DMXL2: variants seen among roughly 807,000 people sequenced by gnomAD.
The protein encoded by DMXL2 is dmX-like protein 2.
Under a neutral mutation model 331.1 loss-of-function variants are expected in DMXL2, and 103 were observed. The ratio of observed to expected loss-of-function variants is 0.31; its 90% CI spans 0.27 to 0.37. DMXL2 has a LOEUF of 0.37. Among genes scored for constraint, DMXL2 ranks in the 10% least tolerant of loss-of-function variants. The probability of loss-of-function intolerance (pLI) is 1.00; values close to 1 mark genes in which losing one functional copy is unlikely to be tolerated. For missense variants in DMXL2, 3,171 were observed against 3,642.9 expected, an observed-to-expected ratio of 0.87 and a Z score of 3.33; for synonymous variants, 1,281 against 1,252.1, an observed-to-expected ratio of 1.02 and a Z score of -0.49.
rs1460099735 is a variant in DMXL2 at position 51,455,202 on chromosome 15, A to G, written c.8553T>C (p.Phe2851=). The G allele has an allele frequency of 6.2e-7, 1 of 1,614,158 alleles. No individual in the cohort carries two copies. Among genetic ancestry groups the G allele is most frequent in the Non-Finnish European group, 8.5e-7 (1 of 1,179,992 alleles). The change falls in exon 40 of 44, where the codon TTT becomes TTC. Residue 2851 remains phenylalanine, a synonymous_variant. Transcript: ENST00000560891. ...TTTGGTTAACTTGCCAGATACTCAG[A>G]AAACCCTCTCCATCCGCAACACCAC... ...NKCGVADGEG[F]LSIWQVNQTA...
At chr15:51,470,132 C>T (rs1016731669) in intron 29 of DMXL2, among the ~76,000 whole-genome samples, 16 of 152,246 alleles carry the variant, frequency 1.1e-4, no homozygotes, top group African/African-American at 3.6e-4. Flanking sequence ...GAACCACTGA[C>T]GTAACCAAAG....
Position 51,569,168 on chromosome 15 carries a change from C to T in DMXL2, c.214-610G>A, listed in dbSNP as rs994499413. On this transcript the variant is annotated intron_variant, in intron 2 of 43. Coordinates refer to ENST00000560891, the MANE Select transcript of DMXL2 (RefSeq NM_001378457.1). ...TTCAGCGGGTCCCACCCCCACGGAG[C>T]CCAGCAAGCTAAGATCCACTGGCTT... Among the ~76,000 whole-genome samples, 46 of 152,192 alleles carry T rather than the reference C, an allele frequency of 3.0e-4. 1 individual carries two copies. The highest frequency in any genetic ancestry group is 3.0e-3 in the Admixed American group (46 of 15,284).
intron 40 of DMXL2, 41 bp from the exon 41 acceptor site, chr15:51,453,682 G>GATAAAATTTGATACAGTACCAACAT (rs2039359199): frequency 6.7e-7 from 1 of 1,490,742 alleles, no homozygotes. Context: ...TTTACCATTG[G>GATAAAATTTGATACAGTACCAACAT]ATAAAATTTG....
intron 27 of DMXL2, 26 bp downstream of exon 27, chr15:51,476,563 T>G: frequency 1.3e-6 from 2 of 1,591,842 alleles, no homozygotes. Flanking sequence ...AGAAGATTTT[T>G]TTTTTTTAAT....
At chr15:51,526,110 AAG>A (rs1166982259) in intron 13 of DMXL2, among the ~76,000 whole-genome samples, 1 of 135,082 alleles carries the variant, frequency 7.4e-6, no homozygotes. Flanking sequence ...GAGAGAGAGA[AAG>A]AGAGAGGGAG....
chr15:51,575,371 C>T (rs144226138), intron 2 of DMXL2, among the ~76,000 whole-genome samples: 5 of 152,054 alleles, frequency 3.3e-5, no homozygotes, highest in African/African-American at 1.2e-4. Context: ...AGGTAAAAAC[C>T]TTATTACTCT....
At chr15:51,492,785 C>A (rs969707521) in intron 19 of DMXL2, among the ~76,000 whole-genome samples, 1 of 152,256 alleles carries the variant, frequency 6.6e-6, no homozygotes, top group African/African-American at 2.4e-5. Context: ...ATTTTAGAAA[C>A]AAAGAAATGT....
intron 6 of DMXL2, among the ~76,000 whole-genome samples, chr15:51,560,504 CAAAAAAAAAAAAA>C (rs66990182): frequency 1.2e-4 from 5 of 41,522 alleles, no homozygotes; most frequent in African/African-American, 2.2e-4. Flanking sequence ...TTATTTCTAC[CAAAAAAAAAAAAA>C]AAAAAAAAAA....
At chr15:51,535,864 T>C (rs1406901560) in intron 12 of DMXL2, 80 bp from the exon 13 acceptor site, 26 of 1,457,016 alleles carry the variant, frequency 1.8e-5, no homozygotes, top group Non-Finnish European at 2.0e-5. Context: ...GAAACAAGTA[T>C]TCACATTTTT....
Position 51,595,492 on chromosome 15 carries a change from C to T in DMXL2, c.88-19311G>A, listed in dbSNP as rs190047168. On this transcript the variant is annotated intron_variant, in intron 1 of 43. Transcript: ENST00000560891. ...AATCAATATCGTGAAAATGGCCATA[C>T]TGCCCAAGGTAATTTATAGATTCAA... 2.6e-3 allele frequency among the ~76,000 whole-genome samples: 401 copies of T among 152,304 alleles called. 18 individuals are homozygous for T. In the East Asian group the frequency reaches 0.062, roughly 24 times the overall value.
rs569836305 is a variant in DMXL2, at chr15:51,519,292, T to A, written c.2437-2125A>T. 3.9e-5 allele frequency among the ~76,000 whole-genome samples: 6 copies of A among 152,172 alleles called. No individual in the cohort carries two copies. In the East Asian group the frequency reaches 1.2e-3, roughly 29 times the overall value. On this transcript the variant is annotated intron_variant, in intron 13 of 43. Transcript: ENST00000560891. ...CAACCATGCCTGACAAATTTTTTAA[T>A]TTTTTTGTAGAGACAGGGTCTCACT...
intron 1 of DMXL2, among the ~76,000 whole-genome samples, chr15:51,590,553 C>G (rs1260059877): frequency 2.6e-5 from 4 of 151,638 alleles, no homozygotes. Context: ...TCTGCCTTGA[C>G]TAGTTCCATT....
In DMXL2 at chr15:51,499,018, A is replaced by G; in HGVS notation, c.4206T>C (p.Ser1402=). ...KRHLSRTISV[S]GSTAKETVTV... ...TGACTGTTTCCTTTGCTGTACTGCC[A>G]CTTACACTAATAGTTCGAGAGAGAT... Residue 1402 remains serine (S), a synonymous_variant, in exon 18 of 44, where the codon AGT becomes AGC. Transcript: ENST00000560891. 6.2e-7 allele frequency: 1 copy of G among 1,613,972 alleles called. No homozygotes were observed. The highest frequency in any genetic ancestry group is 8.5e-7 in the Non-Finnish European group (1 of 1,180,008).
intron 1 of DMXL2, among the ~76,000 whole-genome samples, chr15:51,577,174 A>G (rs766094922): frequency 3.3e-5 from 5 of 152,196 alleles, no homozygotes; most frequent in Non-Finnish European, 7.3e-5. Flanking sequence ...AAAACTTATG[A>G]AATGGTATTT....
chr15:51,598,618 C>T (rs1022429566), intron 1 of DMXL2, among the ~76,000 whole-genome samples: 1 of 152,166 alleles, frequency 6.6e-6, no homozygotes, highest in African/African-American at 2.4e-5. Flanking sequence ...TTGAAGAACA[C>T]AGATCAGTTA....
At chr15:51,488,321 C>T (rs1354544400) in intron 21 of DMXL2, among the ~76,000 whole-genome samples, 2 of 152,166 alleles carry the variant, frequency 1.3e-5, no homozygotes, top group African/African-American at 4.8e-5. Flanking sequence ...AAATAGGAAA[C>T]AGCATTTTTT....
At chr15:51,460,103 G>A (rs1462223258) in intron 33 of DMXL2, 1 of 938,864 alleles carries the variant, frequency 1.1e-6, no homozygotes, top group African/African-American at 1.8e-5. Context: ...ACTCTTATAA[G>A]GAATATGATG....
intron 1 of DMXL2, among the ~76,000 whole-genome samples, chr15:51,596,829 C>A (rs2052847366): frequency 6.6e-6 from 1 of 152,064 alleles, no homozygotes; most frequent in Non-Finnish European, 1.5e-5. Flanking sequence ...AGACAAAAAA[C>A]CAAACACCGC....
chr15:51,481,927 A>AT (rs201217943), intron 23 of DMXL2, among the ~76,000 whole-genome samples: 2 of 152,360 alleles, frequency 1.3e-5, no homozygotes, highest in East Asian at 3.9e-4. Flanking sequence ...AAGAGGAAAT[A>AT]CAAATACACA....
Sources: gnomAD v4.1 joint callset for allele counts (sites outside exome capture counted in the v4.1 genomes callset) on GRCh38, gnomAD v4.1.1 for gene constraint, MANE v1.5 for transcripts, NCBI Gene and HGNC (gene_info 2026-07-23, HGNC 2026-07-21) for gene names.